The following RNGTT variants were observed in gnomAD, a reference collection of about 807,000 sequenced individuals.
The protein encoded by RNGTT is mRNA-capping enzyme.
RNGTT carries 33 observed loss-of-function variants against 79.3 expected under a neutral mutation model. That is an observed-to-expected ratio of 0.42 (90% CI 0.32 to 0.56). The LOEUF is 0.56. Ranked by LOEUF, RNGTT falls within the 20% of genes least tolerant of loss-of-function variation. The pLI, the probability that RNGTT is intolerant of heterozygous loss-of-function variation, is 0.17. For synonymous variants in RNGTT, 222 were observed against 235.9 expected (o/e 0.94, Z 0.54); for missense variants, 497 against 739.1 (o/e 0.67, Z 3.80).
chr6:88,622,605 ACTC>A (rs1363043516), intron 14 of RNGTT, among the ~76,000 whole-genome samples: 1 of 151,864 alleles, frequency 6.6e-6, no homozygotes, highest in East Asian at 1.9e-4. Context: ...ATCCTTTGCT[ACTC>A]CTTCTCAGGC....
intron 1 of RNGTT, 53 bp from the exon 2 acceptor site, chr6:88,941,233 A>G: frequency 1.7e-6 from 2 of 1,193,948 alleles, no homozygotes; most frequent in Non-Finnish European, 1.2e-6. Flanking sequence ...TTTCAGATTA[A>G]AATTCTATAA....
At chr6:88,803,666 CAAA>C (rs34399112) in intron 11 of RNGTT, among the ~76,000 whole-genome samples, 1 of 127,284 alleles carries the variant, frequency 7.9e-6, no homozygotes, top group Non-Finnish European at 1.7e-5. Flanking sequence ...TCTCTTTTTT[CAAA>C]AAAAAAAAAA....
At chr6:88,949,158 TGA>T (rs1491582486) in intron 1 of RNGTT, among the ~76,000 whole-genome samples, 9 of 18,014 alleles carry the variant, frequency 5.0e-4, no homozygotes, top group African/African-American at 1.3e-3. Flanking sequence ...TAAAATAAAA[TGA>T]AAAAAAAAAA....
At chr6:88,663,097 G>A (rs1354445892) in intron 14 of RNGTT, among the ~76,000 whole-genome samples, 1 of 152,194 alleles carries the variant, frequency 6.6e-6, no homozygotes, top group Non-Finnish European at 1.5e-5. Context: ...TGATTTTAGT[G>A]TGAATTGCTT....
intron 11 of RNGTT, among the ~76,000 whole-genome samples, chr6:88,817,894 G>A (rs1780371048): frequency 6.6e-6 from 1 of 151,386 alleles, no homozygotes; most frequent in African/African-American, 2.4e-5. Flanking sequence ...CAAGTAGCTG[G>A]GACTACAGGC....
rs71021396 is a variant in RNGTT at position 88,771,350 on chromosome 6, TAC to T, written c.1339-1478_1339-1477del. Among the ~76,000 whole-genome samples, 1,081 of 115,956 alleles carry T rather than the reference TAC, an allele frequency of 9.3e-3. 10 individuals carry two copies. Among genetic ancestry groups the T allele is most frequent in the African/African-American group, 0.014 (357 of 25,760 alleles). The allele number at this position is 115,956 out of a possible 152,430, so 76.1% of individuals were successfully genotyped here. ...ATATATATATATATATATATATATA[TAC>T]ACACACACACACACACACAATTTCT... On this transcript the variant is annotated intron_variant, in intron 12 of 15. Coordinates refer to ENST00000369485, the MANE Select transcript of RNGTT (RefSeq NM_003800.5).
In RNGTT at chr6:88,693,488, A is replaced by G. The variant is rs1775553890; in HGVS notation, c.1440-15069T>C. ...ATCTGTAATAAAAAGTCTCTCATCAAAGAAAATCCCAGAACCTGATGGCTT... is the reference window on the plus strand; with the variant it reads ...ATCTGTAATAAAAAGTCTCTCATCAGAGAAAATCCCAGAACCTGATGGCTT... On this transcript the variant is annotated intron_variant, in intron 13 of 15. Transcript: ENST00000369485. Among the ~76,000 whole-genome samples the G allele has an allele frequency of 2.6e-5, 4 of 152,158 alleles. No homozygotes were observed. In the South Asian group the frequency reaches 8.3e-4, roughly 32 times the overall value.
At chr6:88,845,782 C>T (rs1038949425) in intron 10 of RNGTT, among the ~76,000 whole-genome samples, 1 of 152,058 alleles carries the variant, frequency 6.6e-6, no homozygotes, top group Non-Finnish European at 1.5e-5. Context: ...AGGTAGCACA[C>T]GTTCTCTTTA....
At chr6:88,728,215 C>G (rs1776987027) in intron 13 of RNGTT, among the ~76,000 whole-genome samples, 3 of 152,216 alleles carry the variant, frequency 2.0e-5, no homozygotes, top group Admixed American at 2.0e-4. Flanking sequence ...ATTAACATAA[C>G]CAAGTCAATT....
At chr6:88,942,879 G>A (rs976801580) in intron 1 of RNGTT, among the ~76,000 whole-genome samples, 2 of 151,938 alleles carry the variant, frequency 1.3e-5, no homozygotes, top group Admixed American at 1.3e-4. Context: ...TAAAACAACT[G>A]GTCACTTTTT....
In RNGTT at chr6:88,890,529, G is replaced by A; in HGVS notation, c.862C>T (p.Pro288Ser). 1.2e-6 allele frequency: 2 copies of A among 1,613,336 alleles called. No homozygotes were observed. The highest frequency in any genetic ancestry group is 8.5e-7 in the Non-Finnish European group (1 of 1,179,600). ...KQNIKLLDLK[P>S]YKVSWKADGT... ...TCTGCTTTCCAGCTTACTTTGTATG[G>A]CTTCAGGTCTAAAAGTTTAATATTT... is the stretch of plus-strand genomic sequence containing the variant. Residue 288 changes from proline (P) to serine (S), a missense_variant, in exon 8 of 16, where the codon CCA becomes TCA. Coordinates refer to ENST00000369485, the MANE Select transcript of RNGTT (RefSeq NM_003800.5).
intron 13 of RNGTT, among the ~76,000 whole-genome samples, chr6:88,740,838 C>A (rs1307033655): frequency 6.6e-6 from 1 of 151,992 alleles, no homozygotes; most frequent in Non-Finnish European, 1.5e-5. Flanking sequence ...CACACATATA[C>A]CTATGTAACA....
chr6:88,860,192 C>G (rs750257730), intron 8 of RNGTT, among the ~76,000 whole-genome samples: 1 of 152,176 alleles, frequency 6.6e-6, no homozygotes, highest in African/African-American at 2.4e-5. Context: ...TGCAGACTGA[C>G]AGTAATTCAA....
rs554869592 is a variant in RNGTT at position 88,912,501 on chromosome 6, A to C, written c.368-6061T>G. Among the ~76,000 whole-genome samples the C allele has an allele frequency of 2.6e-5, 4 of 152,294 alleles. No individual in the cohort carries two copies. The East Asian group carries it at 5.8e-4, about 22-fold the overall frequency. ...AAAAACAAAAACAAACAAATCCCAAAATTAGCAGGAGAAAAGAAATACCTA... is the reference window on the plus strand; with the variant it reads ...AAAAACAAAAACAAACAAATCCCAACATTAGCAGGAGAAAAGAAATACCTA... On this transcript the variant is annotated intron_variant, in intron 4 of 15. Transcript: ENST00000369485.
At position 88,678,345 on chromosome 6, in the gene RNGTT, A is replaced by G. The variant is rs1774960497; in HGVS notation, c.1506+8T>C. 1.3e-6 allele frequency: 2 copies of G among 1,586,068 alleles called. No homozygotes were observed. Among genetic ancestry groups the G allele is most frequent in the South Asian group, 1.2e-5 (1 of 86,658 alleles). On this transcript the variant is annotated splice_region_variant and intron_variant, in intron 14 of 15. Transcript: ENST00000369485. ...CAGGAAAAGTACACTGAAAATGAAC[A>G]AACATACCTTGATTTGTGCAAAGGG...
intron 14 of RNGTT, among the ~76,000 whole-genome samples, chr6:88,641,918 A>G (rs926448474): frequency 6.6e-6 from 1 of 152,234 alleles, no homozygotes; most frequent in African/African-American, 2.4e-5. Flanking sequence ...TATGTATTTA[A>G]AAGAAATAAA....
At chr6:88,945,303 T>C (rs1354039726) in intron 1 of RNGTT, among the ~76,000 whole-genome samples, 1 of 152,246 alleles carries the variant, frequency 6.6e-6, no homozygotes, top group Non-Finnish European at 1.5e-5. Flanking sequence ...TAATCCACTC[T>C]AATCTGGCTT....
chr6:88,929,289 AGGGC>A, intron 2 of RNGTT, 22 bp from the exon 3 acceptor site: 3 of 1,470,958 alleles, frequency 2.0e-6, no homozygotes, highest in Non-Finnish European at 2.8e-6. Context: ...AAAAAATGAA[AGGGC>A]AAATTTACTA....
Position 88,954,495 on chromosome 6 carries a change from T to C in RNGTT, c.64+8851A>G, listed in dbSNP as rs150372875. ...CCAAAATTTGTAAAGCAATTACTAC[T>C]AGAGACCTAAGAAATGAAATACACA... On this transcript the variant is annotated intron_variant, in intron 1 of 15. Transcript: ENST00000369485. 3.5e-3 allele frequency among the ~76,000 whole-genome samples: 535 copies of C among 152,254 alleles called. 2 individuals are homozygous for C. The highest frequency in any genetic ancestry group is 0.012 in the African/African-American group (501 of 41,526).
Sources: gnomAD v4.1 joint callset for allele counts (sites outside exome capture counted in the v4.1 genomes callset) on GRCh38, gnomAD v4.1.1 for gene constraint, MANE v1.5 for transcripts, NCBI Gene and HGNC (gene_info 2026-07-23, HGNC 2026-07-21) for gene names.